The following ATG7 variants were observed in gnomAD, a reference collection of about 807,000 sequenced individuals.
ATG7 encodes the protein ubiquitin-like modifier-activating enzyme ATG7.
ATG7 carries 70 observed loss-of-function variants against 82.4 expected under a neutral mutation model. The observed-to-expected ratio is 0.85, with a 90% CI of 0.70 to 1.04. The LOEUF (loss-of-function observed/expected upper bound fraction) is 1.04. ATG7 is among the 50% of genes least tolerant of loss of function. ATG7 has a pLI of 0.00. For synonymous variants in ATG7, 287 were observed against 313.0 expected (o/e 0.92, Z 0.88); for missense variants, 792 against 864.3 (o/e 0.92, Z 1.05).
chr3:11,346,389 T>C (rs1265455874), intron 13 of ATG7: 3 of 152,206 alleles, frequency 2.0e-5, no homozygotes, highest in Non-Finnish European at 4.4e-5. Flanking sequence ...TGGGTATTCT[T>C]AAGATTCTAG....
chr3:11,405,529 G>A (rs2080243877), intron 19 of ATG7, among the ~76,000 whole-genome samples: 1 of 152,124 alleles, frequency 6.6e-6, no homozygotes, highest in African/African-American at 2.4e-5. Context: ...TGCTGACATT[G>A]CTATGTGTCA....
intron 20 of ATG7, among the ~76,000 whole-genome samples, chr3:11,451,021 G>A (rs2085068650): frequency 6.6e-6 from 1 of 152,112 alleles, no homozygotes; most frequent in South Asian, 2.1e-4. Flanking sequence ...AGTCATTATG[G>A]CACAGGAAAA....
downstream of ATG7, chr3:11,557,667 A>G (rs1559846820): frequency 6.5e-6 from 1 of 152,848 alleles, no homozygotes; most frequent in East Asian, 1.9e-4. Context: ...TGAAAAGAAG[A>G]TAGTAAGTAT....
chr3:11,322,051 T>A (rs1464960894), intron 9 of ATG7, among the ~76,000 whole-genome samples: 2 of 152,222 alleles, frequency 1.3e-5, no homozygotes, highest in East Asian at 1.9e-4. Context: ...GATGGTATTG[T>A]CTTTAAATGA....
chr3:11,573,280 A>G, the ATG7 span, among the ~76,000 whole-genome samples: 3 of 10,640 alleles, frequency 2.8e-4, no homozygotes, highest in African/African-American at 7.7e-4. Flanking sequence ...AGAAAGAAAG[A>G]AAGAAAGAAA....
chr3:11,483,176 T>G (rs944078400), intron 20 of ATG7, among the ~76,000 whole-genome samples: 4 of 152,106 alleles, frequency 2.6e-5, no homozygotes, highest in Admixed American at 1.3e-4. Flanking sequence ...TTAATAAGCA[T>G]TCTCCCCGTC....
chr3:11,402,618 G>A (rs1331021349), intron 19 of ATG7, among the ~76,000 whole-genome samples: 2 of 151,876 alleles, frequency 1.3e-5, no homozygotes. Context: ...CCCCGTGAAA[G>A]TCAAGGCCAG....
At chr3:11,539,437 C>T (rs2070636607) in intron 20 of ATG7, among the ~76,000 whole-genome samples, 1 of 152,216 alleles carries the variant, frequency 6.6e-6, no homozygotes, top group South Asian at 2.1e-4. Flanking sequence ...TAAGAGAAGG[C>T]ATGGCACTGA....
At position 11,484,954 on chromosome 3, in the gene ATG7, T is replaced by G. The variant is rs924741433; in HGVS notation, c.2079+58028T>G. ...AATCCAGTCTATCGTTGTTGGACAG[T>G]TGGGTTGGTTCCAAGTCTTTGCTGT... On this transcript the variant is annotated intron_variant, in intron 20 of 20. Transcript: ENST00000693202. Among the ~76,000 whole-genome samples the G allele has an allele frequency of 2.0e-5, 3 of 152,200 alleles. No individual in the cohort carries two copies. The South Asian group carries it at 6.2e-4, about 32-fold the overall frequency.
At chr3:11,362,190 T>A (rs2076327281) in intron 16 of ATG7, among the ~76,000 whole-genome samples, 1 of 152,200 alleles carries the variant, frequency 6.6e-6, no homozygotes. Context: ...TAACAACCTC[T>A]TAATTTGCCC....
At chr3:11,428,373 A>AT (rs1424981534) in intron 20 of ATG7, among the ~76,000 whole-genome samples, 1 of 133,512 alleles carries the variant, frequency 7.5e-6, no homozygotes, top group Non-Finnish European at 1.6e-5. Context: ...AGTCAGACCC[A>AT]TTGGAGGTTT....
At chr3:11,505,682 A>G (rs2091661339) in intron 20 of ATG7, among the ~76,000 whole-genome samples, 1 of 152,190 alleles carries the variant, frequency 6.6e-6, no homozygotes, top group South Asian at 2.1e-4. Flanking sequence ...CTTGCCAAGA[A>G]TTAGGGAAAT....
chr3:11,311,274 T>G (rs988681951), intron 7 of ATG7, among the ~76,000 whole-genome samples: 5 of 152,108 alleles, frequency 3.3e-5, no homozygotes, highest in African/African-American at 7.2e-5. Flanking sequence ...GCAAGCTTTT[T>G]GACTTTTGAA....
At chr3:11,436,982 A>G (rs867161106) in intron 20 of ATG7, among the ~76,000 whole-genome samples, 1 of 152,228 alleles carries the variant, frequency 6.6e-6, no homozygotes, top group Non-Finnish European at 1.5e-5. Context: ...AATCTTAGAT[A>G]GTGATGATGG....
intron 4 of ATG7, 181 bp downstream of exon 4, chr3:11,299,036 G>T: frequency 1.4e-6 from 1 of 720,290 alleles, no homozygotes; most frequent in Non-Finnish European, 2.2e-6. Context: ...TTCTCTTGTT[G>T]TGGGGAAAAA....
At chr3:11,321,539 A>G (rs991455372) in intron 9 of ATG7, among the ~76,000 whole-genome samples, 6 of 152,188 alleles carry the variant, frequency 3.9e-5, no homozygotes, top group African/African-American at 1.4e-4. Context: ...AGACTAGGGA[A>G]TGGAAGCCTC....
chr3:11,555,740 T>TGAG lies in ATG7; in HGVS notation c.*899_*901dup, dbSNP rs1400543981. 2.6e-5 allele frequency: 4 copies of TGAG among 152,408 alleles called. No individual in the cohort carries two copies. The highest frequency in any genetic ancestry group is 5.9e-5 in the Non-Finnish European group (4 of 68,088). 9.4% of individuals were successfully genotyped at this position (152,408 alleles called of 1,614,324 possible). Reference sequence around the variant, plus strand: ...TCTTTATTCTGGGTGTGTGCAGCTGTGAGGCCCCAACCCAGGAGAGGCCAT... The same window carrying TGAG: ...TCTTTATTCTGGGTGTGTGCAGCTGTGAGGAGGCCCCAACCCAGGAGAGGCCAT... On this transcript the variant is annotated 3_prime_UTR_variant, in exon 21 of 21. Coordinates refer to ENST00000693202, the MANE Select transcript of ATG7 (RefSeq NM_001349232.2).
At chr3:11,422,611 A>G (rs1011251156) in intron 19 of ATG7, among the ~76,000 whole-genome samples, 2 of 151,944 alleles carry the variant, frequency 1.3e-5, no homozygotes, top group Non-Finnish European at 2.9e-5. Flanking sequence ...TTGGAGTAGC[A>G]CTTATAATTT....
chr3:11,352,860 T>C (rs1394199607), intron 14 of ATG7, among the ~76,000 whole-genome samples: 1 of 152,086 alleles, frequency 6.6e-6, no homozygotes, highest in Non-Finnish European at 1.5e-5. Flanking sequence ...GAAGAGGTCT[T>C]GAGGAGGGAG....
Sources: gnomAD v4.1 joint callset for allele counts (sites outside exome capture counted in the v4.1 genomes callset) on GRCh38, gnomAD v4.1.1 for gene constraint, MANE v1.5 for transcripts, NCBI Gene and HGNC (gene_info 2026-07-23, HGNC 2026-07-21) for gene names.